TRIQK: variants seen among roughly 807,000 people sequenced by gnomAD.
TRIQK encodes triple QxxK/R motif containing.
In TRIQK, 10 loss-of-function variants were observed where a neutral mutation model predicts 10.8. The ratio of observed to expected loss-of-function variants is 0.92; its 90% confidence interval spans 0.57 to 1.57. The LOEUF (loss-of-function observed/expected upper bound fraction) is 1.57. TRIQK is among the 40% of genes most tolerant of loss of function. The pLI, the probability that TRIQK is intolerant of heterozygous loss-of-function variation, is 0.00. For missense variants in TRIQK, 107 were observed against 97.7 expected, an observed-to-expected ratio of 1.09 and a Z score of -0.40; for synonymous variants, 33 against 33.7, an observed-to-expected ratio of 0.98 and a Z score of 0.07.
At chr8:92,979,209 G>A (rs1433024761) in intron 1 of TRIQK, among the ~76,000 whole-genome samples, 1 of 152,086 alleles carries the variant, frequency 6.6e-6, no homozygotes, top group Non-Finnish European at 1.5e-5. Context: ...CTGTGTTTAG[G>A]TGGAACTGTT....
At chr8:93,006,288 C>T (rs914832607) in intron 1 of TRIQK, among the ~76,000 whole-genome samples, 2 of 152,094 alleles carry the variant, frequency 1.3e-5, no homozygotes, top group Admixed American at 6.5e-5. Context: ...ACTGACTAGA[C>T]GGTTGGCATG....
Position 92,990,148 on chromosome 8 carries a change from G to A in TRIQK, c.-181+27461C>T, listed in dbSNP as rs547899061. On this transcript the variant is annotated intron_variant, in intron 1 of 4. Transcript: ENST00000520686. Reference sequence around the variant, plus strand: ...GAACTATAAAGCTGGAATCACCAAAGAAACAGTATATTATGCTCTTCACAT... The same window carrying A: ...GAACTATAAAGCTGGAATCACCAAAAAAACAGTATATTATGCTCTTCACAT... Among the ~76,000 whole-genome samples the A allele has an allele frequency of 1.8e-3, 280 of 152,298 alleles. 2 individuals carry two copies. Among genetic ancestry groups the A allele is most frequent in the Non-Finnish European group, 3.4e-3 (232 of 68,016 alleles).
intron 3 of TRIQK, among the ~76,000 whole-genome samples, chr8:92,897,643 T>A (rs374545891): frequency 6.6e-6 from 1 of 152,162 alleles, no homozygotes; most frequent in Non-Finnish European, 1.5e-5. Context: ...ATTTCTTTTC[T>A]TTATAAATTA....
Position 92,930,789 on chromosome 8 carries a change from T to A in TRIQK, c.-21-13779A>T, listed in dbSNP as rs1810684569. Among the ~76,000 whole-genome samples the A allele has an allele frequency of 2.0e-5, 3 of 152,180 alleles. No homozygotes were observed. In the South Asian group the frequency reaches 6.2e-4, roughly 31 times the overall value. ...GAGTTTTCAATGCTTACAATCCCTC[T>A]AAATTGGATTATTTTAAGAAAATTA... On this transcript the variant is annotated intron_variant, in intron 2 of 4. Transcript: ENST00000521988.
At chr8:92,976,756 A>G (rs991011079) in intron 1 of TRIQK, among the ~76,000 whole-genome samples, 2 of 151,648 alleles carry the variant, frequency 1.3e-5, no homozygotes, top group African/African-American at 4.8e-5. Flanking sequence ...TACTTTTATG[A>G]TTCTATTTAA....
At chr8:92,997,947 G>A (rs541051310) in intron 1 of TRIQK, among the ~76,000 whole-genome samples, 10 of 152,002 alleles carry the variant, frequency 6.6e-5, no homozygotes, top group African/African-American at 2.4e-4. Flanking sequence ...CAAACAAAGT[G>A]AAATTTAGAA....
chr8:92,932,528 T>A (rs1172821078), intron 2 of TRIQK, among the ~76,000 whole-genome samples: 2 of 152,132 alleles, frequency 1.3e-5, no homozygotes, highest in Non-Finnish European at 2.9e-5. Flanking sequence ...CCCTTTGTAA[T>A]TAATAAGTAT....
intron 1 of TRIQK, among the ~76,000 whole-genome samples, chr8:92,956,553 G>T (rs898985413): frequency 5.3e-5 from 8 of 151,708 alleles, no homozygotes; most frequent in African/African-American, 1.7e-4. Context: ...GCTCAATAAA[G>T]CTGTTATTAA....
chr8:92,901,391 T>A (rs1808930475), intron 3 of TRIQK, among the ~76,000 whole-genome samples: 2 of 152,150 alleles, frequency 1.3e-5, no homozygotes, highest in Admixed American at 1.3e-4. Context: ...CTGTCATATA[T>A]GGCTTTTATT....
chr8:92,929,993 A>G (rs538717817), intron 2 of TRIQK, among the ~76,000 whole-genome samples: 12 of 152,196 alleles, frequency 7.9e-5, no homozygotes, highest in Non-Finnish European at 1.8e-4. Context: ...TCTTTCTAAA[A>G]GTTTTAAAAA....
At chr8:92,953,937 T>C (rs1812041668) in intron 2 of TRIQK, 1 of 151,962 alleles carries the variant, frequency 6.6e-6, no homozygotes, top group African/African-American at 2.4e-5. Flanking sequence ...AAAATGGATG[T>C]ATCAATTTAC....
chr8:92,924,445 T>A (rs1486346687), intron 2 of TRIQK, among the ~76,000 whole-genome samples: 1 of 152,048 alleles, frequency 6.6e-6, no homozygotes, highest in Non-Finnish European at 1.5e-5. Context: ...TTTGACAAGC[T>A]CATTCGTGTT....
chr8:93,017,304 A>C (rs1813395000), intron 1 of TRIQK, among the ~76,000 whole-genome samples: 1 of 152,172 alleles, frequency 6.6e-6, no homozygotes, highest in Non-Finnish European at 1.5e-5. Flanking sequence ...AGTAAGAAAT[A>C]AACGAACAAG....
intron 1 of TRIQK, among the ~76,000 whole-genome samples, chr8:92,988,168 G>A (rs1813057016): frequency 6.6e-6 from 1 of 150,718 alleles, no homozygotes; most frequent in Non-Finnish European, 1.5e-5. Flanking sequence ...CCACCACCAC[G>A]CCCGGCTAAA....
intron 3 of TRIQK, among the ~76,000 whole-genome samples, chr8:92,901,270 C>T (rs1808922824): frequency 6.6e-6 from 1 of 152,082 alleles, no homozygotes; most frequent in East Asian, 1.9e-4. Flanking sequence ...GCTATGACTT[C>T]CAGTACCATG....
intron 1 of TRIQK, among the ~76,000 whole-genome samples, chr8:92,959,181 G>A (rs961656578): frequency 6.6e-6 from 1 of 151,602 alleles, no homozygotes; most frequent in East Asian, 1.9e-4. Context: ...ACCATTCCAA[G>A]CTCACGGATC....
At chr8:93,013,161 C>T (rs1031274508) in intron 1 of TRIQK, among the ~76,000 whole-genome samples, 7 of 152,148 alleles carry the variant, frequency 4.6e-5, no homozygotes, top group East Asian at 3.8e-4. Context: ...GGTGATTAGA[C>T]GAGACGGCAA....
chr8:92,991,224 C>T (rs2130750101), intron 1 of TRIQK, among the ~76,000 whole-genome samples: 1 of 152,328 alleles, frequency 6.6e-6, no homozygotes. Flanking sequence ...CCAGGCAGGG[C>T]ACCTCTGAAT....
At chr8:92,992,374 C>G (rs1813104535) in intron 1 of TRIQK, among the ~76,000 whole-genome samples, 1 of 152,168 alleles carries the variant, frequency 6.6e-6, no homozygotes, top group South Asian at 2.1e-4. Flanking sequence ...CTACCGGGAG[C>G]CTTGTACTAG....
Sources: allele counts gnomAD v4.1 joint callset (sites outside exome capture counted in the v4.1 genomes callset), GRCh38; gene constraint gnomAD v4.1.1; transcripts MANE v1.5; gene names NCBI Gene and HGNC (gene_info 2026-07-23, HGNC 2026-07-21).